Variants in EPHA4 observed in about 807,000 individuals in gnomAD.
The protein encoded by EPHA4 is EPH receptor A4, also known as ephrin type-A receptor 4.
In EPHA4, 19 loss-of-function variants were observed where a neutral mutation model predicts 108.3. The observed-to-expected ratio is 0.18, with a 90% CI of 0.12 to 0.26. The LOEUF is 0.26. Ranked by LOEUF, EPHA4 falls within the 10% of genes least tolerant of loss-of-function variation. EPHA4 has a pLI of 1.00. For missense variants in EPHA4, 917 were observed against 1,254.0 expected, an observed-to-expected ratio of 0.73 and a Z score of 4.06; for synonymous variants, 449 against 455.5, an observed-to-expected ratio of 0.99 and a Z score of 0.18.
chr2:221,435,475 G>T (rs1049946851), intron 13 of EPHA4, among the ~76,000 whole-genome samples: 1 of 151,610 alleles, frequency 6.6e-6, no homozygotes, highest in Middle Eastern at 3.4e-3. Flanking sequence ...ATACCCCCCT[G>T]CCCCCCTCCA....
intron 1 of EPHA4, among the ~76,000 whole-genome samples, chr2:221,570,872 C>CGGAT (rs1285479619): frequency 6.6e-6 from 1 of 150,730 alleles, no homozygotes; most frequent in Non-Finnish European, 1.5e-5. Context: ...GACGGACGGA[C>CGGAT]GGATGCACGG....
intron 3 of EPHA4, among the ~76,000 whole-genome samples, chr2:221,537,657 G>A (rs1004232622): frequency 6.6e-6 from 1 of 152,330 alleles, no homozygotes; most frequent in Non-Finnish European, 1.5e-5. Flanking sequence ...AGGTGCAGTG[G>A]TGCACACCTG....
intron 4 of EPHA4, among the ~76,000 whole-genome samples, chr2:221,486,500 G>A (rs535498701): frequency 5.4e-4 from 82 of 152,030 alleles, no homozygotes; most frequent in Non-Finnish European, 1.0e-3. Flanking sequence ...GGAGGCCAAA[G>A]TGGATCACCT....
chr2:221,435,842 T>C (rs1690214656), intron 13 of EPHA4, among the ~76,000 whole-genome samples: 1 of 151,822 alleles, frequency 6.6e-6, no homozygotes, highest in Admixed American at 6.6e-5. Flanking sequence ...TGAGATTTGG[T>C]AGCCAACCAA....
chr2:221,467,423 C>T (rs1477900679), intron 5 of EPHA4, among the ~76,000 whole-genome samples: 3 of 152,152 alleles, frequency 2.0e-5, no homozygotes, highest in African/African-American at 4.8e-5. Flanking sequence ...AAGATCCAAA[C>T]ACAATATTTA....
At chr2:221,477,534 C>G (rs1161363443) in intron 5 of EPHA4, among the ~76,000 whole-genome samples, 1 of 152,136 alleles carries the variant, frequency 6.6e-6, no homozygotes, top group Non-Finnish European at 1.5e-5. Context: ...AAAATTGCCT[C>G]TAAACATTGC....
intron 5 of EPHA4, among the ~76,000 whole-genome samples, chr2:221,466,337 T>C (rs1056803003): frequency 6.6e-6 from 1 of 152,230 alleles, no homozygotes; most frequent in African/African-American, 2.4e-5. Flanking sequence ...ACTGAGGCCC[T>C]GTGAATTGCC....
At chr2:221,561,889 A>T (rs1694477998) in intron 3 of EPHA4, among the ~76,000 whole-genome samples, 1 of 152,228 alleles carries the variant, frequency 6.6e-6, no homozygotes, top group African/African-American at 2.4e-5. Flanking sequence ...AAAAATATAT[A>T]TAAGAATCTT....
At chr2:221,534,487 T>C (rs560131082) in intron 3 of EPHA4, among the ~76,000 whole-genome samples, 13 of 152,334 alleles carry the variant, frequency 8.5e-5, no homozygotes, top group South Asian at 6.2e-4. Flanking sequence ...AAAAACTGCA[T>C]CTTGCACATG....
At chr2:221,511,302 T>C (rs1692820568) in intron 3 of EPHA4, among the ~76,000 whole-genome samples, 1 of 152,200 alleles carries the variant, frequency 6.6e-6, no homozygotes, top group South Asian at 2.1e-4. Flanking sequence ...ACTTAGTAGG[T>C]AGACAAAATT....
At chr2:221,572,973 A>G (rs1694896028), upstream of EPHA4, 1 of 152,322 alleles carries the variant, frequency 6.6e-6, no homozygotes, top group African/African-American at 2.4e-5. Context: ...GGGCTCCGTC[A>G]CTGTCTCCAG....
chr2:221,494,495 T>A (rs1692247624), intron 4 of EPHA4, among the ~76,000 whole-genome samples: 2 of 152,086 alleles, frequency 1.3e-5, no homozygotes, highest in African/African-American at 4.8e-5. Context: ...AAATCCCAGC[T>A]ACTTGGGAGG....
intron 3 of EPHA4, among the ~76,000 whole-genome samples, chr2:221,553,625 G>A (rs1227078821): frequency 1.3e-5 from 2 of 152,186 alleles, no homozygotes; most frequent in Non-Finnish European, 2.9e-5. Context: ...TTGGGCACAG[G>A]CAGCTTCATT....
chr2:221,508,205 A>G (rs1467597490), intron 3 of EPHA4, among the ~76,000 whole-genome samples: 2 of 152,312 alleles, frequency 1.3e-5, no homozygotes, highest in South Asian at 4.1e-4. Context: ...CCCGGATGCT[A>G]AAGGGACAAA....
chr2:221,485,468 T>C (rs888780524), intron 4 of EPHA4, among the ~76,000 whole-genome samples: 2 of 152,220 alleles, frequency 1.3e-5, no homozygotes, highest in African/African-American at 4.8e-5. Context: ...GTATGTTTTA[T>C]GCTTTGCTAT....
At chr2:221,570,751 G>C (rs1352618840) in intron 1 of EPHA4, among the ~76,000 whole-genome samples, 2 of 152,148 alleles carry the variant, frequency 1.3e-5, no homozygotes, top group Non-Finnish European at 2.9e-5. Flanking sequence ...AAGATGAATG[G>C]ATGGATGGAT....
intron 3 of EPHA4, among the ~76,000 whole-genome samples, chr2:221,517,830 G>A (rs1298767708): frequency 6.6e-6 from 1 of 152,162 alleles, no homozygotes; most frequent in Non-Finnish European, 1.5e-5. Flanking sequence ...TGGCCACCAG[G>A]CCCTGGGTCC....
At chr2:221,499,046 T>C (rs941895420) in intron 4 of EPHA4, among the ~76,000 whole-genome samples, 9 of 151,530 alleles carry the variant, frequency 5.9e-5, no homozygotes, top group Non-Finnish European at 1.3e-4. Context: ...TGCCTCGGCC[T>C]CCCAAAGTGC....
chr2:221,435,086 G>C (rs3755037), intron 13 of EPHA4, among the ~76,000 whole-genome samples: 59,531 of 151,874 alleles, frequency 0.39, 13,307 homozygotes, highest in East Asian at 0.63. Context: ...TCAGACCCCT[G>C]AGGTATCCCC....
Sources: allele counts gnomAD v4.1 joint callset (sites outside exome capture counted in the v4.1 genomes callset), GRCh38; gene constraint gnomAD v4.1.1; transcripts MANE v1.5; gene names NCBI Gene and HGNC (gene_info 2026-07-23, HGNC 2026-07-21).